Variants in ZNF804B observed in about 807,000 individuals in gnomAD.
ZNF804B encodes zinc finger 804B.
Under a neutral mutation model 101.4 loss-of-function variants are expected in ZNF804B, and 80 were observed. That is an observed-to-expected ratio of 0.79 (90% confidence interval 0.66 to 0.95). The LOEUF (loss-of-function observed/expected upper bound fraction) is 0.95, where lower values mean the gene tolerates loss of function less well. Among genes scored for constraint, ZNF804B ranks in the 40% least tolerant of loss-of-function variants. The pLI, the probability that ZNF804B is intolerant of heterozygous loss-of-function variation, is 0.00. For synonymous variants in ZNF804B, 622 were observed against 558.8 expected, an observed-to-expected ratio of 1.11 and a Z score of -1.59; for missense variants, 1,673 against 1,561.9, an observed-to-expected ratio of 1.07 and a Z score of -1.20.
intron 2 of ZNF804B, among the ~76,000 whole-genome samples, chr7:89,297,431 T>C (rs952813168): frequency 6.6e-6 from 1 of 152,082 alleles, no homozygotes; most frequent in African/African-American, 2.4e-5. Flanking sequence ...TTCATTTTAG[T>C]CATACATCAG....
chr7:89,244,439 GAT>G (rs575183399), intron 2 of ZNF804B, among the ~76,000 whole-genome samples: 154 of 152,068 alleles, frequency 1.0e-3, no homozygotes, highest in African/African-American at 3.5e-3. Flanking sequence ...TTCCTTTTCA[GAT>G]ATGTTTTGCT....
chr7:89,084,828 A>G (rs369053304), intron 1 of ZNF804B, among the ~76,000 whole-genome samples: 2 of 151,984 alleles, frequency 1.3e-5, no homozygotes, highest in African/African-American at 4.8e-5. Context: ...TCTATTTTTC[A>G]CATTTTTGTT....
chr7:89,192,061 A>C (rs112576997), intron 1 of ZNF804B, among the ~76,000 whole-genome samples: 8,088 of 152,148 alleles, frequency 0.053, 276 homozygotes, highest in Middle Eastern at 0.15. Flanking sequence ...GAGCTTAAGG[A>C]TTCTTATTAG....
At chr7:89,082,143 T>G (rs1789706639) in intron 1 of ZNF804B, among the ~76,000 whole-genome samples, 1 of 151,744 alleles carries the variant, frequency 6.6e-6, no homozygotes, top group Admixed American at 6.6e-5. Context: ...TGGTAAAAGC[T>G]TCCTACAGAT....
At chr7:88,815,095 T>C (rs1790854634) in intron 1 of ZNF804B, among the ~76,000 whole-genome samples, 1 of 148,706 alleles carries the variant, frequency 6.7e-6, no homozygotes, top group Non-Finnish European at 1.5e-5. Flanking sequence ...TACATATATG[T>C]ATTATGTATA....
At chr7:89,075,304 A>T (rs116221315) in intron 1 of ZNF804B, among the ~76,000 whole-genome samples, 1,628 of 152,188 alleles carry the variant, frequency 0.011, 26 homozygotes, top group African/African-American at 0.037. Context: ...AGGAGGAAAA[A>T]ATGGTTTCAT....
At chr7:88,815,043 T>G (rs1790853967) in intron 1 of ZNF804B, among the ~76,000 whole-genome samples, 2 of 149,176 alleles carry the variant, frequency 1.3e-5, no homozygotes. Flanking sequence ...TATATGTGTG[T>G]GTGTGTGTAT....
intron 1 of ZNF804B, among the ~76,000 whole-genome samples, chr7:88,993,096 C>CT (rs1218389735): frequency 1.3e-5 from 2 of 151,790 alleles, no homozygotes; most frequent in Non-Finnish European, 2.9e-5. Flanking sequence ...TAAATATTTA[C>CT]TTTTTTGGTA....
At chr7:88,854,340 T>C (rs1791496388) in intron 1 of ZNF804B, among the ~76,000 whole-genome samples, 1 of 152,178 alleles carries the variant, frequency 6.6e-6, no homozygotes, top group Non-Finnish European at 1.5e-5. Flanking sequence ...CCAAGTTTTA[T>C]TCCAGAGGCT....
chr7:89,222,172 A>G (rs78764798), intron 2 of ZNF804B, among the ~76,000 whole-genome samples: 2,520 of 152,064 alleles, frequency 0.017, 70 homozygotes, highest in African/African-American at 0.057. Context: ...AGCGTAATCT[A>G]TGAAGAAGCA....
intron 1 of ZNF804B, among the ~76,000 whole-genome samples, chr7:89,049,470 A>G (rs1789162248): frequency 6.6e-6 from 1 of 152,108 alleles, no homozygotes; most frequent in African/African-American, 2.4e-5. Flanking sequence ...ATTGGTTATA[A>G]TGTGAATACT....
At chr7:89,194,310 A>C (rs80091949) in intron 1 of ZNF804B, among the ~76,000 whole-genome samples, 18,243 of 151,394 alleles carry the variant, frequency 0.12, 1,156 homozygotes, top group Middle Eastern at 0.25. Flanking sequence ...GAAGCTCTTT[A>C]GTTTAATTAG....
chr7:88,969,821 AC>A (rs1420891547), intron 1 of ZNF804B, among the ~76,000 whole-genome samples: 1 of 151,632 alleles, frequency 6.6e-6, no homozygotes, highest in Non-Finnish European at 1.5e-5. Context: ...AATTTTTGAA[AC>A]AAGATATAAA....
intron 2 of ZNF804B, among the ~76,000 whole-genome samples, chr7:89,315,293 G>A (rs1277824178): frequency 1.3e-5 from 2 of 152,154 alleles, no homozygotes; most frequent in South Asian, 2.1e-4. Context: ...CACTTCACAC[G>A]AGGCCGCAGC....
chr7:89,090,539 T>C (rs186608627), intron 1 of ZNF804B, among the ~76,000 whole-genome samples: 79 of 152,214 alleles, frequency 5.2e-4, no homozygotes, highest in African/African-American at 1.8e-3. Flanking sequence ...TAGTTTTAGT[T>C]TGTTGACTAC....
At chr7:88,922,044 G>A (rs1562832655) in intron 1 of ZNF804B, among the ~76,000 whole-genome samples, 1 of 152,000 alleles carries the variant, frequency 6.6e-6, no homozygotes, top group East Asian at 1.9e-4. Flanking sequence ...GGGAACAGTC[G>A]GTAGGGAGAA....
intron 2 of ZNF804B, among the ~76,000 whole-genome samples, chr7:89,291,254 T>A (rs974642832): frequency 6.6e-6 from 1 of 151,496 alleles, no homozygotes; most frequent in Non-Finnish European, 1.5e-5. Context: ...ATTGACACCA[T>A]CTAGAAAATA....
At chr7:88,883,592 T>A (rs1282173382) in intron 1 of ZNF804B, among the ~76,000 whole-genome samples, 1 of 152,074 alleles carries the variant, frequency 6.6e-6, no homozygotes, top group Non-Finnish European at 1.5e-5. Flanking sequence ...GGAGCAAACA[T>A]CTTCTAAGTT....
chr7:89,243,651 A>G (rs1789401453), intron 2 of ZNF804B, among the ~76,000 whole-genome samples: 1 of 151,888 alleles, frequency 6.6e-6, no homozygotes, highest in Non-Finnish European at 1.5e-5. Context: ...TTAAGGAAAC[A>G]TAAACAAAGG....
Sources: gnomAD v4.1 joint callset for allele counts (sites outside exome capture counted in the v4.1 genomes callset) on GRCh38, gnomAD v4.1.1 for gene constraint, MANE v1.5 for transcripts, NCBI Gene and HGNC (gene_info 2026-07-23, HGNC 2026-07-21) for gene names.